Variants in MECOM observed in about 807,000 individuals in gnomAD.
MECOM encodes histone-lysine N-methyltransferase MECOM.
A neutral mutation model predicts 116.3 loss-of-function variants in MECOM; 13 were observed. That is an observed-to-expected ratio of 0.11 (90% confidence interval 0.07 to 0.18). The LOEUF is 0.18. Among genes scored for constraint, MECOM ranks in the 10% least tolerant of loss-of-function variants. The pLI is 1.00. For synonymous variants in MECOM, 528 were observed against 535.2 expected, an observed-to-expected ratio of 0.99 and a Z score of 0.19; for missense variants, 1,299 against 1,509.0, an observed-to-expected ratio of 0.86 and a Z score of 2.31.
At chr3:169,378,491 A>G (rs1633393) in intron 2 of MECOM, among the ~76,000 whole-genome samples, 7,843 of 39,298 alleles carry the variant, frequency 0.2, 1,779 homozygotes, top group African/African-American at 0.28. Flanking sequence ...GAGAGAGAGA[A>G]AGAAAGAAAG....
chr3:169,409,903 C>T (rs1244607704), intron 1 of MECOM, among the ~76,000 whole-genome samples: 1 of 152,154 alleles, frequency 6.6e-6, no homozygotes, highest in South Asian at 2.1e-4. Context: ...TGTGGGCTTT[C>T]CTAAACAACT....
intron 8 of MECOM, among the ~76,000 whole-genome samples, chr3:169,114,500 G>A (rs901601129): frequency 5.9e-5 from 9 of 152,008 alleles, no homozygotes; most frequent in South Asian, 2.1e-4. Flanking sequence ...TTCTCTTCAC[G>A]AAAGAGAATT....
chr3:169,516,475 G>T (rs1327866773), intron 1 of MECOM, among the ~76,000 whole-genome samples: 1 of 151,920 alleles, frequency 6.6e-6, no homozygotes, highest in African/African-American at 2.4e-5. Flanking sequence ...TTAGTTATCT[G>T]TAAATTTTTA....
At chr3:169,618,885 A>G (rs1451049124) in intron 1 of MECOM, among the ~76,000 whole-genome samples, 1 of 152,212 alleles carries the variant, frequency 6.6e-6, no homozygotes, top group East Asian at 1.9e-4. Context: ...CAAAGAAGAT[A>G]GTAAAATCTA....
chr3:169,084,507 G>A lies in MECOM; in HGVS notation c.*402C>T. 4.2e-6 allele frequency: 1 copy of A among 239,892 alleles called. No individual in the cohort carries two copies. The highest frequency in any genetic ancestry group is 8.1e-6 in the Non-Finnish European group (1 of 122,770). The allele number at this position is 239,892 out of a possible 1,614,324, so 14.9% of individuals were successfully genotyped here. A position where few individuals can be genotyped will look rare whatever the true frequency, so the allele number is the denominator to read the frequency against. On this transcript the variant is annotated 3_prime_UTR_variant, in exon 17 of 17. Transcript: ENST00000651503. ...GCAACTGTTCCCAATCATGTCAGGT[G>A]ATCTTGTACAAAAGAGAATTCAGTT...
intron 1 of MECOM, among the ~76,000 whole-genome samples, chr3:169,518,311 C>T (rs775057370): frequency 6.6e-6 from 1 of 151,894 alleles, no homozygotes; most frequent in Non-Finnish European, 1.5e-5. Flanking sequence ...TACTGGTGTT[C>T]TCCAATTTAA....
At chr3:169,258,144 C>T (rs530934534) in intron 2 of MECOM, among the ~76,000 whole-genome samples, 1 of 152,130 alleles carries the variant, frequency 6.6e-6, no homozygotes, top group East Asian at 1.9e-4. Flanking sequence ...CACTTGAACC[C>T]GGGAGACAGA....
rs117456939 is a variant in MECOM at position 169,179,077 on chromosome 3, C to T, written c.376-35245G>A. 9.2e-5 allele frequency among the ~76,000 whole-genome samples: 14 copies of T among 152,298 alleles called. No homozygotes were observed. In the East Asian group the frequency reaches 2.5e-3, roughly 27 times the overall value. ...AAAGTGTGGTTAAAAATCCCTTTAA[C>T]ATTCACTTGAAAGGCAAAAAAATTA... On this transcript the variant is annotated intron_variant, in intron 2 of 16. Transcript: ENST00000651503.
intron 1 of MECOM, among the ~76,000 whole-genome samples, chr3:169,582,950 C>T (rs1765296046): frequency 6.6e-6 from 1 of 152,130 alleles, no homozygotes; most frequent in Non-Finnish European, 1.5e-5. Context: ...TGTTCCCAAA[C>T]TTAAATAAAA....
At chr3:169,253,123 A>T (rs1427001578) in intron 2 of MECOM, among the ~76,000 whole-genome samples, 2 of 152,206 alleles carry the variant, frequency 1.3e-5, no homozygotes, top group Non-Finnish European at 2.9e-5. Context: ...GAATTCTGCC[A>T]AGCATAAATA....
chr3:169,153,159 T>A (rs896704633), intron 2 of MECOM, among the ~76,000 whole-genome samples: 2 of 152,184 alleles, frequency 1.3e-5, no homozygotes, highest in African/African-American at 4.8e-5. Context: ...ATAAAAATGT[T>A]AATAAAATAC....
intron 2 of MECOM, among the ~76,000 whole-genome samples, chr3:169,356,944 T>C (rs1019575252): frequency 6.6e-6 from 1 of 151,890 alleles, no homozygotes; most frequent in African/African-American, 2.4e-5. Context: ...GCAAATGTTT[T>C]TGAAGAATGA....
At chr3:169,621,036 T>C (rs1178748270) in intron 1 of MECOM, among the ~76,000 whole-genome samples, 1 of 152,208 alleles carries the variant, frequency 6.6e-6, no homozygotes, top group African/African-American at 2.4e-5. Context: ...AATAAAGTGA[T>C]GCTGTGAGGC....
chr3:169,586,933 T>C (rs1318482140), intron 1 of MECOM, among the ~76,000 whole-genome samples: 1 of 152,238 alleles, frequency 6.6e-6, no homozygotes, highest in African/African-American at 2.4e-5. Flanking sequence ...GAAGTAATCA[T>C]AGTACTGGTA....
chr3:169,587,631 G>GA (rs999238019), intron 1 of MECOM, among the ~76,000 whole-genome samples: 24 of 152,130 alleles, frequency 1.6e-4, no homozygotes, highest in Non-Finnish European at 1.5e-4. Flanking sequence ...TCCTGTACCG[G>GA]AACCATGCAA....
chr3:169,397,736 A>G (rs1351744957), intron 1 of MECOM, among the ~76,000 whole-genome samples: 1 of 152,140 alleles, frequency 6.6e-6, no homozygotes, highest in East Asian at 1.9e-4. Context: ...AGATAGGCAA[A>G]CCCCACCCAG....
At chr3:169,097,694 G>A (rs1345143325) in intron 12 of MECOM, among the ~76,000 whole-genome samples, 2 of 151,734 alleles carry the variant, frequency 1.3e-5, no homozygotes, top group East Asian at 1.9e-4. Flanking sequence ...CCGGGACATG[G>A]TGGCACCTGC....
At chr3:169,584,437 C>A (rs1000397494) in intron 1 of MECOM, among the ~76,000 whole-genome samples, 2 of 151,220 alleles carry the variant, frequency 1.3e-5, no homozygotes, top group Non-Finnish European at 2.9e-5. Context: ...TGGTGGCGAG[C>A]GCCTGTAGTC....
At chr3:169,510,193 T>C (rs1038300954) in intron 1 of MECOM, among the ~76,000 whole-genome samples, 2 of 152,156 alleles carry the variant, frequency 1.3e-5, no homozygotes, top group African/African-American at 4.8e-5. Context: ...TGTAATCGAT[T>C]CTCATCACTG....
Sources: allele counts gnomAD v4.1 joint callset (sites outside exome capture counted in the v4.1 genomes callset), GRCh38; gene constraint gnomAD v4.1.1; transcripts MANE v1.5; gene names NCBI Gene and HGNC (gene_info 2026-07-23, HGNC 2026-07-21).